The following TTC27 variants were observed in gnomAD, a reference collection of about 807,000 sequenced individuals.
The protein encoded by TTC27 is tetratricopeptide repeat protein 27.
A neutral mutation model predicts 115.9 loss-of-function variants in TTC27; 79 were observed. That is an observed-to-expected ratio of 0.68 (90% CI 0.57 to 0.82). TTC27 has a LOEUF of 0.82. Among genes scored for constraint, TTC27 ranks in the 40% least tolerant of loss-of-function variants. The pLI, the probability that TTC27 is intolerant of heterozygous loss-of-function variation, is 0.00. For missense variants in TTC27, 1,054 were observed against 993.1 expected (o/e 1.06, Z -0.82); for synonymous variants, 401 against 356.0 (o/e 1.13, Z -1.42).
chr2:32,770,234 A>C, intron 13 of TTC27, among the ~76,000 whole-genome samples: 1 of 152,202 alleles, frequency 6.6e-6, no homozygotes, highest in Middle Eastern at 3.2e-3. Context: ...ACTGTTCTAG[A>C]AGCATTTTCC....
At chr2:32,643,773 G>A (rs775740318) in intron 4 of TTC27, among the ~76,000 whole-genome samples, 4 of 151,966 alleles carry the variant, frequency 2.6e-5, no homozygotes, top group Non-Finnish European at 2.9e-5. Flanking sequence ...AGTGGCTCTC[G>A]CCTGTAATAC....
chr2:32,717,984 A>C (rs1268100839), intron 10 of TTC27, among the ~76,000 whole-genome samples: 1 of 152,174 alleles, frequency 6.6e-6, no homozygotes, highest in Non-Finnish European at 1.5e-5. Flanking sequence ...AAATAATGGA[A>C]TAAGTAGAGT....
Position 32,740,711 on chromosome 2 carries a change from G to C in TTC27, c.1452+3895G>C, listed in dbSNP as rs897756360. ...CTCTTGTCGCCCAGGCTGGAGTGCA[G>C]TGGCACGATCTTAGCTCACTGCAAC... On this transcript the variant is annotated intron_variant, in intron 12 of 19. Transcript: ENST00000317907. Among the ~76,000 whole-genome samples the C allele has an allele frequency of 4.6e-5, 7 of 152,286 alleles. No homozygotes were observed. The South Asian group carries it at 1.4e-3, about 32-fold the overall frequency.
rs201759500 is a variant in TTC27 at position 32,731,073 on chromosome 2, G to GT, written c.1234-2747dup. 8.4e-4 allele frequency among the ~76,000 whole-genome samples: 127 copies of GT among 151,850 alleles called. 1 individual carries two copies. In the East Asian group the frequency reaches 0.018, roughly 22 times the overall value. ...GTTCCGTTGCGTGTGTATGTGTGGG[G>GT]TTTTTTTTGTGTTTTTGTTCCTTTG... is the stretch of plus-strand genomic sequence containing the variant. On this transcript the variant is annotated intron_variant, in intron 10 of 19. Coordinates refer to ENST00000317907, the MANE Select transcript of TTC27 (RefSeq NM_017735.5).
intron 13 of TTC27, among the ~76,000 whole-genome samples, chr2:32,772,863 TG>T (rs1174730316): frequency 1.3e-5 from 2 of 152,152 alleles, no homozygotes; most frequent in Non-Finnish European, 2.9e-5. Context: ...CTGGGGCATC[TG>T]GAGAACTCAG....
chr2:32,653,364 G>A (rs1049996621), intron 5 of TTC27, among the ~76,000 whole-genome samples: 1 of 152,080 alleles, frequency 6.6e-6, no homozygotes, highest in Non-Finnish European at 1.5e-5. Context: ...GGAGGCTGAC[G>A]CAGTGGATCA....
At chr2:32,809,941 A>AC (rs377721006) in intron 16 of TTC27, among the ~76,000 whole-genome samples, 1,884 of 152,224 alleles carry the variant, frequency 0.012, 39 homozygotes, top group African/African-American at 0.043. Context: ...ACATAGTGAA[A>AC]CCCCATCTCT....
At chr2:32,672,151 A>G (rs1400166065) in intron 7 of TTC27, 121 bp from the exon 8 acceptor site, 1 of 645,412 alleles carries the variant, frequency 1.5e-6, no homozygotes, top group Non-Finnish European at 2.7e-6. Context: ...GAAATAGCCT[A>G]TTGACCATAT....
chr2:32,682,344 A>T (rs144967994), intron 9 of TTC27, among the ~76,000 whole-genome samples: 1 of 152,220 alleles, frequency 6.6e-6, no homozygotes, highest in African/African-American at 2.4e-5. Context: ...AACACAGAAG[A>T]CTTTACTTGA....
chr2:32,640,365 A>G lies in TTC27; in HGVS notation c.492A>G (p.Ala164=), dbSNP rs758250889. The change falls in exon 4 of 20, where the codon GCA becomes GCG. Residue 164 remains alanine, a synonymous_variant. Transcript: ENST00000317907. ...LTSKPILLLL[A]RIILVNVRHK... is the part of the protein sequence containing the mutation. ...CGAAGCCTATACTACTGTTATTAGCACGCATTATCCTAGTGAATGTAAGAC... is the reference window on the plus strand; with the variant it reads ...CGAAGCCTATACTACTGTTATTAGCGCGCATTATCCTAGTGAATGTAAGAC... 2 of 1,614,024 alleles carry G rather than the reference A, an allele frequency of 1.2e-6. No homozygotes were observed. The highest frequency in any genetic ancestry group is 2.2e-5 in the East Asian group (1 of 44,864).
intron 10 of TTC27, among the ~76,000 whole-genome samples, chr2:32,721,186 AAATAG>A (rs1667913736): frequency 6.6e-6 from 1 of 152,224 alleles, no homozygotes; most frequent in Non-Finnish European, 1.5e-5. Flanking sequence ...TGTAATGGAC[AAATAG>A]AATTTAGAGC....
chr2:32,790,711 C>A (rs1256085312), intron 16 of TTC27, among the ~76,000 whole-genome samples: 2 of 152,092 alleles, frequency 1.3e-5, no homozygotes, highest in African/African-American at 4.8e-5. Context: ...TCCCCATTTC[C>A]TCCCCACCCC....
rs368257146 is a variant in TTC27, at chr2:32,638,410, G to A, written c.397-1860G>A. Among the ~76,000 whole-genome samples the A allele has an allele frequency of 1.5e-4, 23 of 151,940 alleles. 1 individual carries two copies. In the South Asian group the frequency reaches 1.9e-3, roughly 12 times the overall value. On this transcript the variant is annotated intron_variant, in intron 3 of 19. Transcript: ENST00000317907. ...TTTTATTTTTTTCTAAGGCAGTCTC[G>A]CTCTGTCGCCCCGGCTGGAGTGCAG...
At chr2:32,702,712 C>A in intron 9 of TTC27, 95 bp from the exon 10 acceptor site, 1 of 798,826 alleles carries the variant, frequency 1.3e-6, no homozygotes, top group Non-Finnish European at 2.1e-6. Flanking sequence ...TTTAACTGTA[C>A]CCTGATATTT....
At chr2:32,726,739 C>A (rs1037750783) in intron 10 of TTC27, among the ~76,000 whole-genome samples, 1 of 152,156 alleles carries the variant, frequency 6.6e-6, no homozygotes, top group Non-Finnish European at 1.5e-5. Context: ...TCTACTGGTA[C>A]CAATTTACTG....
intron 10 of TTC27, among the ~76,000 whole-genome samples, chr2:32,725,092 TC>T (rs955463759): frequency 2.6e-5 from 4 of 152,230 alleles, no homozygotes; most frequent in Admixed American, 1.3e-4. Flanking sequence ...TTCAGTTACC[TC>T]CCACTGGGTC....
At chr2:32,700,594 G>A (rs1372504982) in intron 9 of TTC27, among the ~76,000 whole-genome samples, 3 of 152,096 alleles carry the variant, frequency 2.0e-5, no homozygotes, top group Non-Finnish European at 4.4e-5. Context: ...TCGAAGTGCA[G>A]TGGTGCAATC....
rs754684820 is a variant in TTC27, at chr2:32,702,764, G to A, written c.1120-43G>A. 2.3e-6 allele frequency: 3 copies of A among 1,313,822 alleles called. No individual in the cohort carries two copies. The South Asian group carries it at 3.6e-5, about 16-fold the overall frequency. 81.4% of individuals were successfully genotyped at this position (1,313,822 alleles called of 1,614,324 possible). On this transcript the variant is annotated intron_variant, in intron 9 of 19. Transcript: ENST00000317907. ...GTCCTATTCAGAATGAGATCACCTA[G>A]CTTATCTCTTTTCTATGATTTTTTT... is the stretch of plus-strand genomic sequence containing the variant.
chr2:32,780,620 A>G (rs1436162048), intron 14 of TTC27, among the ~76,000 whole-genome samples: 1 of 151,852 alleles, frequency 6.6e-6, no homozygotes, highest in Non-Finnish European at 1.5e-5. Context: ...TTGTATTTTT[A>G]GTAGAGATGA....
Sources: allele counts gnomAD v4.1 joint callset (sites outside exome capture counted in the v4.1 genomes callset), GRCh38; gene constraint gnomAD v4.1.1; transcripts MANE v1.5; gene names NCBI Gene and HGNC (gene_info 2026-07-23, HGNC 2026-07-21).